PPARGC1A: variants seen among roughly 807,000 people sequenced by gnomAD.
The protein encoded by PPARGC1A is PPARG coactivator 1 alpha, also known as peroxisome proliferator-activated receptor gamma coactivator 1-alpha.
PPARGC1A carries 25 observed loss-of-function variants against 88.7 expected under a neutral mutation model. The observed-to-expected ratio is 0.28, with a 90% CI of 0.21 to 0.39. The LOEUF is 0.39. PPARGC1A is among the 10% of genes least tolerant of loss of function. The probability of loss-of-function intolerance (pLI) is 1.00; values close to 1 mark genes in which losing one functional copy is unlikely to be tolerated. For missense variants in PPARGC1A, 880 were observed against 968.7 expected (o/e 0.91, Z 1.22); for synonymous variants, 363 against 355.6 (o/e 1.02, Z -0.24).
chr4:23,846,193 G>A (rs369784176), intron 2 of PPARGC1A, among the ~76,000 whole-genome samples: 115 of 152,298 alleles, frequency 7.6e-4, no homozygotes, highest in African/African-American at 2.6e-3. Flanking sequence ...GCCATTTAAT[G>A]CCTTGCCACA....
chr4:24,322,040 T>G, the PPARGC1A span, among the ~76,000 whole-genome samples: 1 of 152,218 alleles, frequency 6.6e-6, no homozygotes, highest in African/African-American at 2.4e-5. Flanking sequence ...GCATCAACCA[T>G]TTTTAGAACA....
At chr4:24,158,286 T>C in the PPARGC1A span, among the ~76,000 whole-genome samples, 2 of 152,290 alleles carry the variant, frequency 1.3e-5, no homozygotes, top group Non-Finnish European at 2.9e-5. Context: ...TCTCTCATTA[T>C]CCTGCTTTGC....
chr4:24,000,017 C>T, the PPARGC1A span, among the ~76,000 whole-genome samples: 9 of 152,054 alleles, frequency 5.9e-5, no homozygotes, highest in African/African-American at 1.7e-4. Flanking sequence ...TGACTCAGAG[C>T]GAATAAAAAT....
At chr4:24,371,822 G>C in the PPARGC1A span, among the ~76,000 whole-genome samples, 1 of 151,666 alleles carries the variant, frequency 6.6e-6, no homozygotes, top group African/African-American at 2.4e-5. Flanking sequence ...ATGGTGGTGC[G>C]TGCCTGTAGT....
rs150604007 is a variant in PPARGC1A, at chr4:23,820,219, C to T, written c.877+4061G>A. Among the ~76,000 whole-genome samples the T allele has an allele frequency of 1.7e-3, 256 of 151,976 alleles. 2 individuals carry two copies. The highest frequency in any genetic ancestry group is 5.9e-3 in the African/African-American group (246 of 41,440). On this transcript the variant is annotated intron_variant, in intron 7 of 12. Coordinates refer to ENST00000264867, the MANE Select transcript of PPARGC1A (RefSeq NM_013261.5). ...AATAAATAACATCAAATCACATGTCCCCTCTGATGAAAATAATGTGGAAAA... is the reference window on the plus strand; with the variant it reads ...AATAAATAACATCAAATCACATGTCTCCTCTGATGAAAATAATGTGGAAAA...
At chr4:23,932,293 G>GCTTAGTTCCTCC in the PPARGC1A span, among the ~76,000 whole-genome samples, 11 of 151,968 alleles carry the variant, frequency 7.2e-5, no homozygotes, top group Non-Finnish European at 1.2e-4. Flanking sequence ...TTAGTTCCTC[G>GCTTAGTTCCTCC]CTTAGTTCCT....
chr4:24,122,997 G>T, the PPARGC1A span, among the ~76,000 whole-genome samples: 1 of 152,136 alleles, frequency 6.6e-6, no homozygotes, highest in Non-Finnish European at 1.5e-5. Context: ...AATGGGGAAG[G>T]CTAAAGTTCT....
chr4:23,919,717 C>T, the PPARGC1A span, among the ~76,000 whole-genome samples: 80 of 152,124 alleles, frequency 5.3e-4, no homozygotes, highest in African/African-American at 1.9e-3. Context: ...GAGTGATGGC[C>T]CTTACACTAA....
the PPARGC1A span, among the ~76,000 whole-genome samples, chr4:23,948,323 C>T: frequency 1.3e-5 from 2 of 152,066 alleles, no homozygotes; most frequent in African/African-American, 4.8e-5. Flanking sequence ...TACTATTTGT[C>T]TACATGGGAA....
chr4:24,374,120 A>G, the PPARGC1A span, among the ~76,000 whole-genome samples: 1 of 152,224 alleles, frequency 6.6e-6, no homozygotes, highest in Non-Finnish European at 1.5e-5. Flanking sequence ...TTCCTACAAC[A>G]TTCAAACTGC....
upstream of PPARGC1A, among the ~76,000 whole-genome samples, chr4:23,905,858 A>T (rs779485655): frequency 3.9e-5 from 6 of 152,332 alleles, no homozygotes; most frequent in Admixed American, 2.0e-4. Flanking sequence ...TATGCAGAAA[A>T]ATAGCATTTT....
the PPARGC1A span, among the ~76,000 whole-genome samples, chr4:24,314,272 T>G: frequency 4.6e-5 from 7 of 152,316 alleles, no homozygotes; most frequent in East Asian, 1.2e-3. Flanking sequence ...CCAAAATTCA[T>G]GTTGAAATGT....
At chr4:24,144,198 C>T in the PPARGC1A span, among the ~76,000 whole-genome samples, 1 of 152,168 alleles carries the variant, frequency 6.6e-6, no homozygotes, top group East Asian at 1.9e-4. Context: ...TGATGATTAA[C>T]ATGTATTTTA....
the PPARGC1A span, among the ~76,000 whole-genome samples, chr4:23,976,020 CA>C: frequency 6.6e-6 from 1 of 152,116 alleles, no homozygotes; most frequent in Non-Finnish European, 1.5e-5. Context: ...ATGAAGATAG[CA>C]ATGAGAACAA....
the PPARGC1A span, among the ~76,000 whole-genome samples, chr4:24,232,809 G>A: frequency 6.6e-6 from 1 of 152,130 alleles, no homozygotes. Flanking sequence ...TGTCCTAGAA[G>A]GATTATGCTA....
At chr4:24,224,789 G>A in the PPARGC1A span, among the ~76,000 whole-genome samples, 3 of 152,196 alleles carry the variant, frequency 2.0e-5, no homozygotes, top group Non-Finnish European at 4.4e-5. Context: ...AGTTCAGGGA[G>A]ATGAGAGTAT....
At chr4:23,940,295 T>G in the PPARGC1A span, among the ~76,000 whole-genome samples, 1 of 152,152 alleles carries the variant, frequency 6.6e-6, no homozygotes, top group Non-Finnish European at 1.5e-5. Context: ...CAAACCATCT[T>G]ATAACAGAGA....
intron 1 of PPARGC1A, among the ~76,000 whole-genome samples, chr4:23,887,406 CTG>C (rs1717097021): frequency 6.6e-6 from 1 of 152,212 alleles, no homozygotes; most frequent in African/African-American, 2.4e-5. Context: ...AGTCCAAGCC[CTG>C]TAACTGTCCT....
At chr4:24,324,523 C>T in the PPARGC1A span, among the ~76,000 whole-genome samples, 2 of 152,242 alleles carry the variant, frequency 1.3e-5, no homozygotes, top group African/African-American at 4.8e-5. Context: ...CTCCCTTAGC[C>T]TGTGTTCTCA....
Sources: gnomAD v4.1 joint callset for allele counts (sites outside exome capture counted in the v4.1 genomes callset) on GRCh38, gnomAD v4.1.1 for gene constraint, MANE v1.5 for transcripts, NCBI Gene and HGNC (gene_info 2026-07-23, HGNC 2026-07-21) for gene names.